Variants in SLC14A2 observed in about 807,000 individuals in gnomAD.
SLC14A2 encodes solute carrier family 14 member 2.
A neutral mutation model predicts 104.6 loss-of-function variants in SLC14A2; 91 were observed. The observed-to-expected ratio is 0.87, with a 90% CI of 0.73 to 1.04. The LOEUF is 1.04. SLC14A2 is among the 50% of genes least tolerant of loss of function. The pLI is 0.00. For synonymous variants in SLC14A2, 476 were observed against 466.4 expected (o/e 1.02, Z -0.27); for missense variants, 1,189 against 1,156.0 (o/e 1.03, Z -0.41).
At chr18:45,600,104 G>A (rs929063949) in intron 2 of SLC14A2, among the ~76,000 whole-genome samples, 13 of 152,240 alleles carry the variant, frequency 8.5e-5, no homozygotes, top group Admixed American at 5.9e-4. Flanking sequence ...CAGGATTTAT[G>A]GGTGCAAAAT....
At chr18:45,616,943 A>T (rs1475707911) in intron 1 of SLC14A2, among the ~76,000 whole-genome samples, 1 of 152,114 alleles carries the variant, frequency 6.6e-6, no homozygotes, top group Non-Finnish European at 1.5e-5. Context: ...ACTAAAATAC[A>T]AAAAATTGGC....
chr18:45,547,262 A>G (rs2043985921), intron 2 of SLC14A2, among the ~76,000 whole-genome samples: 2 of 152,214 alleles, frequency 1.3e-5, no homozygotes, highest in Non-Finnish European at 2.9e-5. Context: ...TTTGAACACC[A>G]GAGAACCTCA....
At chr18:45,191,171 C>T in the SLC14A2 span, among the ~76,000 whole-genome samples, 1 of 152,078 alleles carries the variant, frequency 6.6e-6, no homozygotes, top group African/African-American at 2.4e-5. Context: ...CAGTCCTCTC[C>T]CCCAATAGAC....
chr18:45,473,281 G>C (rs2264281), intron 1 of SLC14A2, among the ~76,000 whole-genome samples: 31,928 of 152,066 alleles, frequency 0.21, 3,765 homozygotes, highest in Non-Finnish European at 0.27. Context: ...TTACTGTAGC[G>C]TTGTAGTATG....
chr18:45,378,890 C>T (rs1473474062), intron 1 of SLC14A2, among the ~76,000 whole-genome samples: 1 of 152,082 alleles, frequency 6.6e-6, no homozygotes, highest in South Asian at 2.1e-4. Context: ...GGATTACAGG[C>T]GTGAGCCACC....
At chr18:45,611,292 A>C (rs1250404194), upstream of SLC14A2, among the ~76,000 whole-genome samples, 2 of 152,176 alleles carry the variant, frequency 1.3e-5, no homozygotes, top group African/African-American at 2.4e-5. Flanking sequence ...ACCCCCTCCC[A>C]GGGACAGCCC....
intron 1 of SLC14A2, among the ~76,000 whole-genome samples, chr18:45,281,605 ATT>A (rs2084763133): frequency 6.6e-6 from 1 of 152,118 alleles, no homozygotes; most frequent in African/African-American, 2.4e-5. Context: ...GGTTGTCATC[ATT>A]CTCTCTCTCC....
At chr18:45,215,770 A>G (rs1411887225) in intron 1 of SLC14A2, among the ~76,000 whole-genome samples, 2 of 152,216 alleles carry the variant, frequency 1.3e-5, no homozygotes, top group Non-Finnish European at 1.5e-5. Flanking sequence ...TTAATATTCT[A>G]AGGACTAAGC....
At chr18:45,597,445 G>A (rs2044731019) in intron 2 of SLC14A2, among the ~76,000 whole-genome samples, 1 of 152,210 alleles carries the variant, frequency 6.6e-6, no homozygotes, top group Non-Finnish European at 1.5e-5. Flanking sequence ...CCTGCTCTAG[G>A]GAAGGCCTCA....
chr18:45,500,997 C>A (rs1243897248), intron 2 of SLC14A2, among the ~76,000 whole-genome samples: 3 of 152,166 alleles, frequency 2.0e-5, no homozygotes, highest in Non-Finnish European at 2.9e-5. Context: ...GCTCCACATA[C>A]AAGGGCAGGA....
At chr18:45,473,466 G>T (rs1458213028) in intron 1 of SLC14A2, among the ~76,000 whole-genome samples, 1 of 144,442 alleles carries the variant, frequency 6.9e-6, no homozygotes, top group Non-Finnish European at 1.6e-5. Context: ...ATTACTTTGG[G>T]CAGTATGGCC....
the SLC14A2 span, among the ~76,000 whole-genome samples, chr18:45,184,483 C>T: frequency 6.6e-6 from 1 of 152,152 alleles, no homozygotes; most frequent in Non-Finnish European, 1.5e-5. Context: ...AGACACAGTA[C>T]TTAATTATTT....
chr18:45,671,473 A>T (rs2046134915), intron 16 of SLC14A2, among the ~76,000 whole-genome samples: 1 of 152,116 alleles, frequency 6.6e-6, no homozygotes, highest in Non-Finnish European at 1.5e-5. Context: ...CTTCCCAGCA[A>T]TGTTGAGTCC....
chr18:45,609,516 T>G (rs2044933997), intron 2 of SLC14A2, among the ~76,000 whole-genome samples: 1 of 152,160 alleles, frequency 6.6e-6, no homozygotes, highest in African/African-American at 2.4e-5. Flanking sequence ...CACCACCCAC[T>G]GCCAGCATTC....
At chr18:45,643,326 G>C in intron 9 of SLC14A2, 145 bp downstream of exon 9, 1 of 731,754 alleles carries the variant, frequency 1.4e-6, no homozygotes, top group Middle Eastern at 2.3e-4. Flanking sequence ...GTTTATCTAA[G>C]GTTGTCCGGA....
chr18:45,188,943 C>T, the SLC14A2 span, among the ~76,000 whole-genome samples: 2,015 of 152,272 alleles, frequency 0.013, 38 homozygotes, highest in African/African-American at 0.045. Flanking sequence ...AGTGGGAATA[C>T]CTCTGCTTGC....
At chr18:45,224,345 G>A (rs1466300014) in intron 1 of SLC14A2, among the ~76,000 whole-genome samples, 4 of 152,206 alleles carry the variant, frequency 2.6e-5, no homozygotes, top group African/African-American at 4.8e-5. Context: ...TGAAGCCCTG[G>A]ATCAGCTGTG....
At chr18:45,216,585 C>T (rs545837006) in intron 1 of SLC14A2, among the ~76,000 whole-genome samples, 4 of 152,288 alleles carry the variant, frequency 2.6e-5, no homozygotes, top group South Asian at 4.1e-4. Context: ...AATCTCAGCA[C>T]TCCTCTGTCC....
intron 1 of SLC14A2, among the ~76,000 whole-genome samples, chr18:45,248,265 A>G (rs568451858): frequency 3.6e-4 from 55 of 152,218 alleles, no homozygotes; most frequent in Admixed American, 1.3e-3. Flanking sequence ...AAAAAGTCAT[A>G]GTCATTGTCA....
Sources: gnomAD v4.1 joint callset for allele counts (sites outside exome capture counted in the v4.1 genomes callset) on GRCh38, gnomAD v4.1.1 for gene constraint, MANE v1.5 for transcripts, NCBI Gene and HGNC (gene_info 2026-07-23, HGNC 2026-07-21) for gene names.